The following SLC10A7 variants were observed in gnomAD, a reference collection of about 807,000 sequenced individuals.
SLC10A7 encodes solute carrier family 10 member 7, also known as sodium/bile acid cotransporter 7.
In SLC10A7, 29 loss-of-function variants were observed where a neutral mutation model predicts 43.2. That is an observed-to-expected ratio of 0.67 (90% CI 0.50 to 0.92). The LOEUF (loss-of-function observed/expected upper bound fraction) is 0.92, where lower values mean the gene tolerates loss of function less well. Among genes scored for constraint, SLC10A7 ranks in the 40% least tolerant of loss-of-function variants. SLC10A7 has a pLI of 0.00. For synonymous variants in SLC10A7, 152 were observed against 144.8 expected (o/e 1.05, Z -0.35); for missense variants, 295 against 403.2 (o/e 0.73, Z 2.30).
intron 5 of SLC10A7, among the ~76,000 whole-genome samples, chr4:146,435,598 C>T (rs759918580): frequency 1.3e-5 from 2 of 152,022 alleles, no homozygotes; most frequent in Admixed American, 6.5e-5. Context: ...TGCCAGAACC[C>T]CAAAATATTA....
At chr4:146,343,665 T>G (rs77083586) in intron 5 of SLC10A7, among the ~76,000 whole-genome samples, 3 of 152,062 alleles carry the variant, frequency 2.0e-5, no homozygotes, top group African/African-American at 7.2e-5. Context: ...AGTCTTTTTA[T>G]GGGCATGGTC....
intron 5 of SLC10A7, among the ~76,000 whole-genome samples, chr4:146,328,425 G>C (rs2149710443): frequency 6.6e-6 from 1 of 152,242 alleles, no homozygotes; most frequent in Admixed American, 6.5e-5. Flanking sequence ...CCAGGGCCTG[G>C]GAATTAATCT....
chr4:146,419,127 C>T (rs1005613833), intron 5 of SLC10A7, among the ~76,000 whole-genome samples: 1 of 152,140 alleles, frequency 6.6e-6, no homozygotes, highest in Non-Finnish European at 1.5e-5. Context: ...GAACCCTGTC[C>T]TTTTGGATTT....
At chr4:146,454,288 C>T (rs185064319) in intron 4 of SLC10A7, among the ~76,000 whole-genome samples, 5 of 151,928 alleles carry the variant, frequency 3.3e-5, no homozygotes, top group Admixed American at 3.3e-4. Flanking sequence ...TTGCATCCTC[C>T]TGAAATCTCA....
At chr4:146,452,090 A>G (rs1731652757) in intron 4 of SLC10A7, among the ~76,000 whole-genome samples, 1 of 152,112 alleles carries the variant, frequency 6.6e-6, no homozygotes, top group South Asian at 2.1e-4. Context: ...ACAAGGAAAA[A>G]ATAATAAAGG....
In SLC10A7 at chr4:146,473,005, C is replaced by G. The variant is rs1383458016; in HGVS notation, c.397-30184G>C. On this transcript the variant is annotated intron_variant, in intron 4 of 11. Coordinates refer to ENST00000335472, the MANE Select transcript of SLC10A7 (RefSeq NM_001029998.6). ...ACCGGTTGTCTAAAGATTCCTCAAT[C>G]AATATAGAGGACTAGAAGTGTAAGG... Among the ~76,000 whole-genome samples the G allele has an allele frequency of 2.6e-5, 4 of 152,156 alleles. No homozygotes were observed. In the East Asian group the frequency reaches 7.7e-4, roughly 29 times the overall value.
intron 5 of SLC10A7, among the ~76,000 whole-genome samples, chr4:146,362,791 T>C (rs1308272558): frequency 6.6e-6 from 1 of 152,042 alleles, no homozygotes; most frequent in African/African-American, 2.4e-5. Flanking sequence ...GTTTTCATCG[T>C]TTTAAAATAA....
At chr4:146,294,202 A>T in intron 7 of SLC10A7, 107 bp from the exon 8 acceptor site, 2 of 856,778 alleles carry the variant, frequency 2.3e-6, no homozygotes, top group Non-Finnish European at 3.4e-6. Context: ...AAAGAGAATA[A>T]TTTGGCTGAT....
chr4:146,325,547 G>C (rs1343008025), intron 6 of SLC10A7, among the ~76,000 whole-genome samples: 1 of 152,194 alleles, frequency 6.6e-6, no homozygotes, highest in African/African-American at 2.4e-5. Flanking sequence ...GAGGAAGCTA[G>C]TTATCATCAG....
rs761903730 is a variant in SLC10A7 at position 146,509,969 on chromosome 4, T to C, written c.264A>G (p.Ile88Met). The C allele has an allele frequency of 3.1e-6, 5 of 1,613,758 alleles. No homozygotes were observed. Among genetic ancestry groups the C allele is most frequent in the Admixed American group, 3.3e-5 (2 of 60,004 alleles). ...TTGATAAAAGCTGAAGAAAAAGCCA[T>C]ATTGTTGCTGGGAAGAATGCAAGAG... is the stretch of plus-strand genomic sequence containing the variant. ...IFTLAFFPAT[I>M]WLFLQLLSIT... The change falls in exon 3 of 12, where the codon ATA (isoleucine) becomes ATG (methionine). Residue 88 changes from isoleucine to methionine, a missense_variant. Coordinates refer to ENST00000335472, the MANE Select transcript of SLC10A7 (RefSeq NM_001029998.6).
intron 4 of SLC10A7, among the ~76,000 whole-genome samples, chr4:146,498,989 AAAAC>A (rs1205807252): frequency 6.6e-6 from 1 of 152,356 alleles, no homozygotes; most frequent in African/African-American, 2.4e-5. Flanking sequence ...TTGCAAAATG[AAAAC>A]AATCATTTCA....
intron 7 of SLC10A7, among the ~76,000 whole-genome samples, chr4:146,302,604 G>A (rs925932322): frequency 6.6e-6 from 1 of 152,136 alleles, no homozygotes; most frequent in Admixed American, 6.5e-5. Context: ...AGAGTCAAAT[G>A]AGAAACAAGT....
At chr4:146,480,143 TATA>T (rs1221553246) in intron 4 of SLC10A7, among the ~76,000 whole-genome samples, 2 of 152,150 alleles carry the variant, frequency 1.3e-5, no homozygotes, top group African/African-American at 2.4e-5. Context: ...CTAGATTTTT[TATA>T]ATACCACATT....
At chr4:146,276,799 T>A in intron 10 of SLC10A7, among the ~76,000 whole-genome samples, 1 of 151,904 alleles carries the variant, frequency 6.6e-6, no homozygotes, top group East Asian at 1.9e-4. Context: ...AAAAAATTTT[T>A]AAAAATTAGC....
At chr4:146,355,713 A>AAAATG (rs1735542452) in intron 5 of SLC10A7, among the ~76,000 whole-genome samples, 2 of 151,824 alleles carry the variant, frequency 1.3e-5, no homozygotes, top group South Asian at 4.2e-4. Flanking sequence ...GCAGCCATAA[A>AAAATG]AAATGATGAG....
chr4:146,486,182 T>A (rs1411796159), intron 4 of SLC10A7, among the ~76,000 whole-genome samples: 3 of 152,172 alleles, frequency 2.0e-5, no homozygotes, highest in African/African-American at 7.2e-5. Flanking sequence ...CATTCAATAC[T>A]CAACTAGAAA....
intron 9 of SLC10A7, among the ~76,000 whole-genome samples, chr4:146,287,511 T>C (rs1730115899): frequency 6.6e-6 from 1 of 152,110 alleles, no homozygotes; most frequent in South Asian, 2.1e-4. Flanking sequence ...ATGTCAGAGA[T>C]TTTACTTTCT....
chr4:146,257,766 A>G (rs1409733201), intron 11 of SLC10A7, among the ~76,000 whole-genome samples: 1 of 152,190 alleles, frequency 6.6e-6, no homozygotes, highest in Non-Finnish European at 1.5e-5. Context: ...AGGTTACAGG[A>G]TGAGAAGGCC....
intron 5 of SLC10A7, among the ~76,000 whole-genome samples, chr4:146,385,847 C>A (rs1441716156): frequency 2.0e-5 from 3 of 152,152 alleles, no homozygotes; most frequent in Non-Finnish European, 4.4e-5. Flanking sequence ...TGAGAACATG[C>A]AGTATTTGGT....
Sources: allele counts gnomAD v4.1 joint callset (sites outside exome capture counted in the v4.1 genomes callset), GRCh38; gene constraint gnomAD v4.1.1; transcripts MANE v1.5; gene names NCBI Gene and HGNC (gene_info 2026-07-23, HGNC 2026-07-21).